Variants in SUMF1 observed in about 807,000 individuals in gnomAD.
The protein encoded by SUMF1 is formylglycine-generating enzyme.
In SUMF1, 48 loss-of-function variants were observed where a neutral mutation model predicts 47.6. The ratio of observed to expected loss-of-function variants is 1.01; its 90% CI spans 0.80 to 1.28. The LOEUF is 1.28. Among genes scored for constraint, SUMF1 ranks in the 50% most tolerant of loss-of-function variants. The probability of loss-of-function intolerance (pLI) is 0.00; values close to 1 mark genes in which losing one functional copy is unlikely to be tolerated. For missense variants in SUMF1, 571 were observed against 485.4 expected (o/e 1.18, Z -1.66); for synonymous variants, 230 against 192.1 (o/e 1.20, Z -1.63).
Position 4,172,642 on chromosome 3 carries a change from T to C in SUMF1, c.1015-103897A>G, listed in dbSNP as rs191387302. On this transcript the variant is annotated intron_variant and NMD_transcript_variant, in intron 8 of 12. Transcript: ENST00000448413. ...TATGTTTGTTGGCTGCAGAAATGTC[T>C]TCTTTTGAGAAGGGTCTGCTTATAT... 2.0e-4 allele frequency among the ~76,000 whole-genome samples: 30 copies of C among 152,334 alleles called. 2 individuals are homozygous for C. The highest frequency in any genetic ancestry group is 7.2e-4 in the African/African-American group (30 of 41,592).
chr3:4,075,177 G>T (rs1285222184), intron 8 of SUMF1, among the ~76,000 whole-genome samples: 1 of 152,202 alleles, frequency 6.6e-6, no homozygotes, highest in South Asian at 2.1e-4. Context: ...GGGATGCAAG[G>T]CTGGTTCAAC....
chr3:4,397,144 A>G (rs1701064252), intron 7 of SUMF1, among the ~76,000 whole-genome samples: 1 of 152,228 alleles, frequency 6.6e-6, no homozygotes, highest in Non-Finnish European at 1.5e-5. Flanking sequence ...ACAAAGGAAC[A>G]TGCCTGCTCT....
intron 8 of SUMF1, chr3:4,316,334 T>C: frequency 7.1e-7 from 1 of 1,402,794 alleles, no homozygotes; most frequent in Non-Finnish European, 9.8e-7. Flanking sequence ...CAGGAACTGC[T>C]AACGAACGTA....
chr3:4,129,615 A>G (rs1428034985), intron 8 of SUMF1, among the ~76,000 whole-genome samples: 2 of 152,124 alleles, frequency 1.3e-5, no homozygotes, highest in Non-Finnish European at 2.9e-5. Flanking sequence ...AAATTTATAC[A>G]GTGAATCTTT....
intron 8 of SUMF1, among the ~76,000 whole-genome samples, chr3:4,267,373 T>C (rs1697217283): frequency 6.6e-6 from 1 of 152,180 alleles, no homozygotes; most frequent in African/African-American, 2.4e-5. Flanking sequence ...ATTTGGTTGG[T>C]AAAGTATTGA....
At chr3:4,105,937 C>G (rs1693147541) in intron 8 of SUMF1, among the ~76,000 whole-genome samples, 1 of 151,968 alleles carries the variant, frequency 6.6e-6, no homozygotes, top group Admixed American at 6.6e-5. Context: ...AATTTGGCAA[C>G]TTAAAATTTT....
At position 4,410,971 on chromosome 3, in the gene SUMF1, G is replaced by A; in HGVS notation, c.848C>T (p.Ala283Val). ...DGFQGTAPVDAFPPNGYGLYN... is the reference protein window; with the variant it reads ...DGFQGTAPVDVFPPNGYGLYN... The stretch of plus-strand genomic sequence containing the variant: ...TAAGCCATAACCATTGGGAGGGAAG[G>A]CATCAACCTAAAAACAAAGACAGGA... Residue 283 changes from alanine (A) to valine (V), a missense_variant, in exon 7 of 9, where the codon GCC (alanine) becomes GTC (valine). Physicochemically the swap from Ala to Val is moderately conservative, Grantham distance 64. Transcript: ENST00000272902. 6.2e-7 allele frequency: 1 copy of A among 1,613,808 alleles called. No homozygotes were observed. Among genetic ancestry groups the A allele is most frequent in the Non-Finnish European group, 8.5e-7 (1 of 1,179,712 alleles).
intron 8 of SUMF1, among the ~76,000 whole-genome samples, chr3:4,089,965 G>A (rs1692749177): frequency 6.6e-6 from 1 of 152,030 alleles, no homozygotes; most frequent in South Asian, 2.1e-4. Context: ...TATTTCAGCG[G>A]TAGTTACACA....
At position 4,153,872 on chromosome 3, in the gene SUMF1, C is replaced by T. The variant is rs897425418; in HGVS notation, c.1015-85127G>A. Among the ~76,000 whole-genome samples the T allele has an allele frequency of 1.3e-5, 2 of 151,402 alleles. 1 individual carries two copies. ...ATATATTTTTAAGTCTGTTAGGAGGCAGGGAGGTCAAGTTCCATCTTTATC... is the reference window on the plus strand; with the variant it reads ...ATATATTTTTAAGTCTGTTAGGAGGTAGGGAGGTCAAGTTCCATCTTTATC... On this transcript the variant is annotated intron_variant and NMD_transcript_variant, in intron 8 of 12. Coordinates refer to the SUMF1 transcript ENST00000448413.
intron 8 of SUMF1, among the ~76,000 whole-genome samples, chr3:4,136,883 A>T (rs1388499352): frequency 6.6e-6 from 1 of 152,164 alleles, no homozygotes; most frequent in African/African-American, 2.4e-5. Context: ...GCTCATCATC[A>T]CTGGCCATCA....
At chr3:4,242,185 T>C (rs892610652) in intron 8 of SUMF1, among the ~76,000 whole-genome samples, 9 of 152,150 alleles carry the variant, frequency 5.9e-5, no homozygotes, top group Non-Finnish European at 1.0e-4. Context: ...GCCGAGAAGA[T>C]GGGGTTTTCT....
At chr3:4,207,612 T>C (rs1331948239) in intron 8 of SUMF1, among the ~76,000 whole-genome samples, 20 of 152,192 alleles carry the variant, frequency 1.3e-4, no homozygotes. Context: ...TTACACTAAC[T>C]GATTTTGGGT....
chr3:4,260,653 T>G (rs1697066265), intron 8 of SUMF1, among the ~76,000 whole-genome samples: 1 of 152,074 alleles, frequency 6.6e-6, no homozygotes, highest in Admixed American at 6.5e-5. Context: ...GAGAATCGCC[T>G]GAACCCAGGA....
At chr3:4,271,971 G>A (rs1221219772) in intron 8 of SUMF1, among the ~76,000 whole-genome samples, 1 of 152,048 alleles carries the variant, frequency 6.6e-6, no homozygotes. Flanking sequence ...TTTTTCTTAA[G>A]AACAAAGTGC....
intron 8 of SUMF1, among the ~76,000 whole-genome samples, chr3:4,223,347 CCT>C (rs1223258834): frequency 3.9e-5 from 6 of 152,060 alleles, no homozygotes; most frequent in Non-Finnish European, 8.8e-5. Context: ...CCTCCTTGTG[CCT>C]CTGTTTCCTC....
chr3:4,350,288 C>T (rs1699466832), intron 8 of SUMF1, among the ~76,000 whole-genome samples: 1 of 151,754 alleles, frequency 6.6e-6, no homozygotes, highest in African/African-American at 2.4e-5. Flanking sequence ...TCCCAAAGTT[C>T]TGGGATTACA....
intron 6 of SUMF1, among the ~76,000 whole-genome samples, chr3:4,413,000 G>A (rs1441436081): frequency 2.6e-5 from 4 of 152,052 alleles, no homozygotes; most frequent in Non-Finnish European, 4.4e-5. Context: ...GGTCCTATGT[G>A]TGCATCAATA....
At chr3:4,292,596 T>G (rs939411094) in intron 8 of SUMF1, among the ~76,000 whole-genome samples, 6 of 152,364 alleles carry the variant, frequency 3.9e-5, no homozygotes, top group African/African-American at 1.4e-4. Flanking sequence ...AGCTATACTT[T>G]GTACTTTCCC....
chr3:4,245,480 C>G (rs1156420521), intron 8 of SUMF1, among the ~76,000 whole-genome samples: 5 of 152,178 alleles, frequency 3.3e-5, no homozygotes, highest in African/African-American at 1.2e-4. Flanking sequence ...AGTTTTCCTT[C>G]TAACAGACAG....
Sources: allele counts gnomAD v4.1 joint callset (sites outside exome capture counted in the v4.1 genomes callset), GRCh38; gene constraint gnomAD v4.1.1; transcripts MANE v1.5; gene names NCBI Gene and HGNC (gene_info 2026-07-23, HGNC 2026-07-21).